The following KAZN variants were observed in gnomAD, a reference collection of about 807,000 sequenced individuals.
The protein encoded by KAZN is kazrin.
A neutral mutation model predicts 87.4 loss-of-function variants in KAZN; 40 were observed. The observed-to-expected ratio is 0.46, with a 90% confidence interval of 0.36 to 0.60. The LOEUF (loss-of-function observed/expected upper bound fraction) is 0.60. KAZN is among the 20% of genes least tolerant of loss of function. The pLI, the probability that KAZN is intolerant of heterozygous loss-of-function variation, is 0.00. For synonymous variants in KAZN, 466 were observed against 458.3 expected (o/e 1.02, Z -0.22); for missense variants, 898 against 1,073.9 (o/e 0.84, Z 2.29).
At chr1:14,738,109 G>A (rs982409233) in intron 1 of KAZN, among the ~76,000 whole-genome samples, 4 of 152,140 alleles carry the variant, frequency 2.6e-5, no homozygotes, top group Non-Finnish European at 4.4e-5. Flanking sequence ...TCGAGTGGCA[G>A]GGGCTACCCT....
chr1:14,471,861 C>T (rs939805853), intron 2 of KAZN, among the ~76,000 whole-genome samples: 2 of 152,154 alleles, frequency 1.3e-5, no homozygotes, highest in African/African-American at 2.4e-5. Context: ...TCTAAAGACC[C>T]GTTTGAATTG....
chr1:14,680,220 T>C (rs904481220), intron 1 of KAZN, among the ~76,000 whole-genome samples: 4 of 152,160 alleles, frequency 2.6e-5, no homozygotes, highest in African/African-American at 9.7e-5. Context: ...TTTTGACAAG[T>C]GCATACACTG....
intron 2 of KAZN, among the ~76,000 whole-genome samples, chr1:14,293,618 C>T (rs536665203): frequency 1.3e-5 from 2 of 151,986 alleles, no homozygotes; most frequent in Non-Finnish European, 2.9e-5. Flanking sequence ...TCTCCTGTCC[C>T]TCTTTCAATT....
chr1:14,329,879 C>CA (rs1656721311), intron 2 of KAZN, among the ~76,000 whole-genome samples: 1 of 152,234 alleles, frequency 6.6e-6, no homozygotes, highest in Admixed American at 6.5e-5. Flanking sequence ...TCACTTCTAG[C>CA]ATGTTTTACA....
chr1:13,994,262 A>C (rs1247325014), intron 1 of KAZN, among the ~76,000 whole-genome samples: 1 of 152,216 alleles, frequency 6.6e-6, no homozygotes, highest in African/African-American at 2.4e-5. Flanking sequence ...CAGAGAGCCA[A>C]GGATTGTAGG....
rs544759047 is a variant in KAZN at position 14,382,932 on chromosome 1, C to A, written c.249+202340C>A. ...ATGGTTGAACTAGTTTACAGTCCCA[C>A]CAACGGTGTAAAAGTGTTCCTATTT... On this transcript the variant is annotated intron_variant, in intron 2 of 16. Transcript: ENST00000636203. Among the ~76,000 whole-genome samples the A allele has an allele frequency of 3.1e-4, 47 of 151,808 alleles. No individual in the cohort carries two copies. The East Asian group carries it at 8.9e-3, about 29-fold the overall frequency.
At chr1:14,760,844 A>G (rs1165658357) in intron 1 of KAZN, among the ~76,000 whole-genome samples, 1 of 152,224 alleles carries the variant, frequency 6.6e-6, no homozygotes, top group Admixed American at 6.5e-5. Flanking sequence ...ACTTTTTTCT[A>G]TAGAGGGCCA....
chr1:14,475,935 A>C (rs960047508), intron 2 of KAZN, among the ~76,000 whole-genome samples: 4 of 152,168 alleles, frequency 2.6e-5, no homozygotes, highest in African/African-American at 9.7e-5. Flanking sequence ...ATCTTGATAA[A>C]TCCTGATTGA....
At chr1:13,955,917 A>G (rs551875089) in intron 1 of KAZN, among the ~76,000 whole-genome samples, 2 of 152,260 alleles carry the variant, frequency 1.3e-5, no homozygotes, top group East Asian at 1.9e-4. Context: ...CCTGCGGCCC[A>G]TGATTGTAGA....
rs1453894006 is a variant in KAZN at position 15,096,280 on chromosome 1, G to T, written c.1547+1347G>T. 6.6e-6 allele frequency among the ~76,000 whole-genome samples: 1 copy of T among 152,252 alleles called. No homozygotes were observed. The highest frequency in any genetic ancestry group is 1.5e-5 in the Non-Finnish European group (1 of 68,040). ...AAAAACTTCAGGAGTCTGGGCTACT[G>T]CCTGGGTTCCCCCTAAATGGGGATA... On this transcript the variant is annotated intron_variant, in intron 10 of 14. Coordinates refer to ENST00000376030, the MANE Select transcript of KAZN (RefSeq NM_201628.3). This position sits in a 1 kb window ranked among gnomAD's most constrained non-coding sequence, Gnocchi z 4.5.
At chr1:14,940,601 C>T (rs1406946142) in intron 1 of KAZN, among the ~76,000 whole-genome samples, 1 of 152,222 alleles carries the variant, frequency 6.6e-6, no homozygotes, top group Non-Finnish European at 1.5e-5. Context: ...GAGCTCTCGT[C>T]CCCTACTGGG....
chr1:14,960,868 C>T lies in KAZN; in HGVS notation c.411C>T (p.Ala137=). ...AGGAGCTAGCCAGAGCCAAAGAAGC[C>T]TTGCAGGGTGAGTGACGAGTCAGCA... The part of the protein sequence containing the change: ...KEQELARAKE[A]LQAMKADRKR... The change falls in exon 2 of 15, where the codon GCC becomes GCT. Residue 137 remains alanine (A), a synonymous_variant. Coordinates refer to ENST00000376030, the MANE Select transcript of KAZN (RefSeq NM_201628.3). 6.2e-7 allele frequency: 1 copy of T among 1,602,652 alleles called. No individual in the cohort carries two copies. Among genetic ancestry groups the T allele is most frequent in the Non-Finnish European group, 8.5e-7 (1 of 1,172,954 alleles).
intron 1 of KAZN, among the ~76,000 whole-genome samples, chr1:14,942,429 A>G (rs191543702): frequency 1.1e-4 from 17 of 152,316 alleles, no homozygotes; most frequent in Non-Finnish European, 1.8e-4. Flanking sequence ...AGAATAAAAC[A>G]TGTAGATGAA....
chr1:14,896,022 G>A lies in KAZN; in HGVS notation c.227-64662G>A, dbSNP rs1414662604. 4.1e-5 allele frequency among the ~76,000 whole-genome samples: 6 copies of A among 147,154 alleles called. No individual in the cohort carries two copies. In the South Asian group the frequency reaches 6.5e-4, roughly 16 times the overall value. On this transcript the variant is annotated intron_variant, in intron 1 of 14. Coordinates refer to ENST00000376030, the MANE Select transcript of KAZN (RefSeq NM_201628.3). ...GATATTCCAGGACAAAGGTCAGTAA[G>A]TACAAATGAAAAAGACGCCTTTTTT... is the stretch of plus-strand genomic sequence containing the variant.
At chr1:13,959,951 G>T (rs1641689636) in intron 1 of KAZN, among the ~76,000 whole-genome samples, 2 of 152,182 alleles carry the variant, frequency 1.3e-5, no homozygotes, top group South Asian at 2.1e-4. Context: ...GGGGAAGGAG[G>T]CAATGATGAA....
At chr1:14,934,261 T>C (rs1325166578) in intron 1 of KAZN, among the ~76,000 whole-genome samples, 1 of 150,720 alleles carries the variant, frequency 6.6e-6, no homozygotes, top group Non-Finnish European at 1.5e-5. Flanking sequence ...AAGGCTGGAG[T>C]GCAGTGGTGC....
chr1:14,630,302 G>GA (rs1346813819), intron 1 of KAZN, among the ~76,000 whole-genome samples: 1 of 152,210 alleles, frequency 6.6e-6, no homozygotes, highest in Non-Finnish European at 1.5e-5. Flanking sequence ...TCCCTTCTGT[G>GA]AAAGTGTGGA....
intron 1 of KAZN, among the ~76,000 whole-genome samples, chr1:14,149,774 T>C (rs1448158206): frequency 6.6e-6 from 1 of 152,186 alleles, no homozygotes; most frequent in East Asian, 1.9e-4. Flanking sequence ...TCAAATACCA[T>C]GATTTTTTTA....
At chr1:14,274,998 A>T (rs1341624883) in intron 2 of KAZN, among the ~76,000 whole-genome samples, 1 of 152,132 alleles carries the variant, frequency 6.6e-6, no homozygotes, top group Non-Finnish European at 1.5e-5. Context: ...GTTTTAGTAA[A>T]TTTTAAAATT....
Sources: gnomAD v4.1 joint callset for allele counts (sites outside exome capture counted in the v4.1 genomes callset) on GRCh38, gnomAD v4.1.1 for gene constraint, Gnocchi (gnomAD v3.1) non-coding constraint, MANE v1.5 for transcripts, NCBI Gene and HGNC (gene_info 2026-07-23, HGNC 2026-07-21) for gene names.